The following MAPK8IP3 variants were observed in gnomAD, a reference collection of about 807,000 sequenced individuals.
MAPK8IP3 encodes the protein C-Jun-amino-terminal kinase-interacting protein 3.
MAPK8IP3 carries 49 observed loss-of-function variants against 157.8 expected under a neutral mutation model. The observed-to-expected ratio is 0.31, with a 90% CI of 0.25 to 0.39. The LOEUF is 0.39. Ranked by LOEUF, MAPK8IP3 falls within the 10% of genes least tolerant of loss-of-function variation. The pLI is 1.00. For missense variants in MAPK8IP3, 1,478 were observed against 1,889.4 expected, an observed-to-expected ratio of 0.78 and a Z score of 4.04; for synonymous variants, 897 against 777.7, an observed-to-expected ratio of 1.15 and a Z score of -2.55.
At chr16:1,716,284 G>A (rs2038143931) in intron 1 of MAPK8IP3, among the ~76,000 whole-genome samples, 1 of 150,282 alleles carries the variant, frequency 6.7e-6, no homozygotes, top group African/African-American at 2.5e-5. Context: ...CTAGATTTTC[G>A]AAGACCCTAT....
intron 5 of MAPK8IP3, 98 bp from the exon 6 acceptor site, chr16:1,746,931 C>A: frequency 7.0e-7 from 1 of 1,428,102 alleles, no homozygotes; most frequent in South Asian, 1.4e-5. Flanking sequence ...AGGCAAAGTG[C>A]AAAGCATTGG....
chr16:1,762,331 CTG>C lies in MAPK8IP3; in HGVS notation c.1540-17_1540-16del, dbSNP rs1567202067. On this transcript the variant is annotated intron_variant, in intron 13 of 31. Coordinates refer to ENST00000610761, the MANE Select transcript of MAPK8IP3 (RefSeq NM_001318852.2). ...CGGCCTCCGAGGGCTGGCTGAGCCT[CTG>C]TGCCCCTCCCTCCGCAGGACAAAAT... The C allele has an allele frequency of 6.4e-7, 1 of 1,558,216 alleles. No individual in the cohort carries two copies. Among genetic ancestry groups the C allele is most frequent in the Admixed American group, 1.9e-5 (1 of 53,076 alleles).
At chr16:1,738,402 G>A (rs1159472039) in intron 4 of MAPK8IP3, among the ~76,000 whole-genome samples, 6 of 111,970 alleles carry the variant, frequency 5.4e-5, no homozygotes, top group Non-Finnish European at 1.1e-4. Flanking sequence ...GTGACCGTGT[G>A]AGCGTCCGTG....
At position 1,706,682 on chromosome 16, in the gene MAPK8IP3, G is replaced by T; in HGVS notation, c.318+25G>T. The T allele has an allele frequency of 3.3e-6, 5 of 1,513,576 alleles. No individual in the cohort carries two copies. Among genetic ancestry groups the T allele is most frequent in the African/African-American group, 1.4e-5 (1 of 72,264 alleles). 93.8% of individuals were successfully genotyped at this position (1,513,576 alleles called of 1,614,324 possible). A position where few individuals can be genotyped will look rare whatever the true frequency, so the allele number is the denominator to read the frequency against. On this transcript the variant is annotated intron_variant, in intron 1 of 31. Coordinates refer to ENST00000610761, the MANE Select transcript of MAPK8IP3 (RefSeq NM_001318852.2). This position sits in a 1 kb window ranked among gnomAD's most constrained non-coding sequence, Gnocchi z 5.1. The stretch of plus-strand genomic sequence containing the variant: ...GGTGCGTGGGCCGCGGGACCCGCCC[G>T]CATCCCCGTCCCGGACCCCCAGCCA...
chr16:1,769,165 A>C lies in MAPK8IP3; in HGVS notation c.*341A>C. ...GTCCTGGCTCTACCCTGGGCCTCCT[A>C]CTCCCCAGCACCCCTGGAGGAGGCA... On this transcript the variant is annotated 3_prime_UTR_variant, in exon 32 of 32. Coordinates refer to ENST00000610761, the MANE Select transcript of MAPK8IP3 (RefSeq NM_001318852.2). The C allele has an allele frequency of 1.4e-5, 4 of 284,006 alleles. No individual in the cohort carries two copies. The highest frequency in any genetic ancestry group is 8.8e-5 in the East Asian group (1 of 11,370). The allele number at this position is 284,006 out of a possible 1,614,324, so 17.6% of individuals were successfully genotyped here.
In MAPK8IP3 at chr16:1,759,819, G is replaced by A. The variant is rs1463870239; in HGVS notation, c.1247-139G>A. The A allele has an allele frequency of 5.5e-6, 4 of 732,362 alleles. 1 individual carries two copies. In the South Asian group the frequency reaches 6.6e-5, roughly 12 times the overall value. The allele number at this position is 732,362 out of a possible 1,614,324, so 45.4% of individuals were successfully genotyped here. On this transcript the variant is annotated intron_variant, in intron 10 of 31. Transcript: ENST00000610761. ...CCCAGCATGAGCCCCGCCCTTCACGGCCCCCGCTCCCTGTAGATCGGGCGT... is the reference window on the plus strand; with the variant it reads ...CCCAGCATGAGCCCCGCCCTTCACGACCCCCGCTCCCTGTAGATCGGGCGT...
rs762414460 is a variant in MAPK8IP3 at position 1,767,602 on chromosome 16, G to A, written c.3276G>A (p.Val1092=). Residue 1092 remains valine (V), a synonymous_variant, in exon 27 of 32, where the codon GTG becomes GTA. Coordinates refer to ENST00000610761, the MANE Select transcript of MAPK8IP3 (RefSeq NM_001318852.2). ...CCCACCCGCGGCGGGAGAGCCAGGT[G>A]CGGCAGCTGGCGTGGATCGGCGATG... ...FDAHPRRESQ[V]RQLAWIGDGV... 3.2e-5 allele frequency: 51 copies of A among 1,612,354 alleles called. No homozygotes were observed. Among genetic ancestry groups the A allele is most frequent in the Admixed American group, 8.3e-5 (5 of 59,994 alleles).
chr16:1,763,804 G>A (rs1038694297), intron 17 of MAPK8IP3, 21 bp downstream of exon 17: 2 of 1,434,948 alleles, frequency 1.4e-6, no homozygotes, highest in African/African-American at 1.5e-5. Context: ...GCGCTGCGGG[G>A]ACCGGGCGGG....
At chr16:1,754,799 C>T (rs939774507) in intron 8 of MAPK8IP3, among the ~76,000 whole-genome samples, 1 of 151,820 alleles carries the variant, frequency 6.6e-6, no homozygotes, top group Non-Finnish European at 1.5e-5. Context: ...CACAAATAAC[C>T]TTGAGAAAAG....
chr16:1,764,917 C>T lies in MAPK8IP3; in HGVS notation c.2281-96C>T, dbSNP rs531709128. The T allele has an allele frequency of 3.3e-5, 42 of 1,277,048 alleles. No individual in the cohort carries two copies. The African/African-American group carries it at 4.6e-4, about 14-fold the overall frequency. The allele number at this position is 1,277,048 out of a possible 1,614,324, so 79.1% of individuals were successfully genotyped here. A position where few individuals can be genotyped will look rare whatever the true frequency, so the allele number is the denominator to read the frequency against. On this transcript the variant is annotated intron_variant, in intron 19 of 31. Transcript: ENST00000610761. ...ATGTCCCCTCAAGCTGTAGTCAAGGCTGGATCCTGACAGATTCTGGGAGCC... is the reference window on the plus strand; with the variant it reads ...ATGTCCCCTCAAGCTGTAGTCAAGGTTGGATCCTGACAGATTCTGGGAGCC...
intron 11 of MAPK8IP3, 106 bp from the exon 12 acceptor site, chr16:1,760,274 C>T: frequency 1.4e-6 from 2 of 1,427,722 alleles, no homozygotes; most frequent in Non-Finnish European, 1.9e-6. Context: ...CCTTCCTAAC[C>T]AGGCTGTGCC....
intron 4 of MAPK8IP3, among the ~76,000 whole-genome samples, chr16:1,731,061 G>A (rs533232555): frequency 6.6e-6 from 1 of 151,638 alleles, no homozygotes; most frequent in Non-Finnish European, 1.5e-5. Context: ...AATTGCTTGA[G>A]CTTGGGAGGC....
rs1372222298 is a variant in MAPK8IP3, at chr16:1,768,890, G to T, written c.*66G>T. The T allele has an allele frequency of 6.3e-7, 1 of 1,577,368 alleles. No individual in the cohort carries two copies. Among genetic ancestry groups the T allele is most frequent in the Non-Finnish European group, 8.6e-7 (1 of 1,161,658 alleles). On this transcript the variant is annotated 3_prime_UTR_variant, in exon 32 of 32. Transcript: ENST00000610761. ...CGACCACCTGACCCCCGCCCGGCCCGCGGGGTAGCCAGCCAGGCGCCGCCG... is the reference window on the plus strand; with the variant it reads ...CGACCACCTGACCCCCGCCCGGCCCTCGGGGTAGCCAGCCAGGCGCCGCCG...
chr16:1,758,696 C>T (rs1016525098), intron 9 of MAPK8IP3, among the ~76,000 whole-genome samples: 1 of 152,232 alleles, frequency 6.6e-6, no homozygotes, highest in African/African-American at 2.4e-5. Flanking sequence ...CCCACCCAGC[C>T]CAGAATTTGG....
intron 4 of MAPK8IP3, among the ~76,000 whole-genome samples, chr16:1,729,916 T>G (rs2039184102): frequency 6.6e-6 from 1 of 152,016 alleles, no homozygotes; most frequent in Non-Finnish European, 1.5e-5. Flanking sequence ...CTAAAATATA[T>G]CTGTGACCTC....
At chr16:1,740,071 CG>C in intron 4 of MAPK8IP3, among the ~76,000 whole-genome samples, 1 of 65,682 alleles carries the variant, frequency 1.5e-5, no homozygotes, top group Non-Finnish European at 2.7e-5. Flanking sequence ...TCCGTGTGAG[CG>C]TGAGCATCCG....
At chr16:1,734,817 G>T (rs552479270) in intron 4 of MAPK8IP3, among the ~76,000 whole-genome samples, 1 of 152,276 alleles carries the variant, frequency 6.6e-6, no homozygotes, top group Non-Finnish European at 1.5e-5. Flanking sequence ...CATCCTCAGC[G>T]CTGGGCGCCC....
At chr16:1,734,348 G>A (rs966326089) in intron 4 of MAPK8IP3, among the ~76,000 whole-genome samples, 13 of 152,206 alleles carry the variant, frequency 8.5e-5, no homozygotes, top group African/African-American at 1.4e-4. Flanking sequence ...GTACTGAGCC[G>A]CATCACCAGC....
At chr16:1,737,292 C>G (rs1410899599) in intron 4 of MAPK8IP3, among the ~76,000 whole-genome samples, 1 of 73,402 alleles carries the variant, frequency 1.4e-5, no homozygotes, top group African/African-American at 6.1e-5. Flanking sequence ...GTGAGTGTGA[C>G]CATCCATGTG....
Sources: gnomAD v4.1 joint callset for allele counts (sites outside exome capture counted in the v4.1 genomes callset) on GRCh38, gnomAD v4.1.1 for gene constraint, Gnocchi (gnomAD v3.1) non-coding constraint, MANE v1.5 for transcripts, NCBI Gene and HGNC (gene_info 2026-07-23, HGNC 2026-07-21) for gene names.